MOXD1: variants seen among roughly 807,000 people sequenced by gnomAD.
MOXD1 encodes DBH-like monooxygenase protein 1.
Under a neutral mutation model 66.6 loss-of-function variants are expected in MOXD1, and 62 were observed. The ratio of observed to expected loss-of-function variants is 0.93; its 90% CI spans 0.76 to 1.15. The LOEUF (loss-of-function observed/expected upper bound fraction) is 1.15. Ranked by LOEUF, MOXD1 falls within the 50% of genes most tolerant of loss-of-function variation. MOXD1 has a pLI of 0.00. For missense variants in MOXD1, 847 were observed against 754.6 expected (o/e 1.12, Z -1.44); for synonymous variants, 303 against 281.9 (o/e 1.07, Z -0.75).
chr6:132,325,965 T>C (rs1684793443), intron 6 of MOXD1, among the ~76,000 whole-genome samples: 1 of 152,238 alleles, frequency 6.6e-6, no homozygotes, highest in Admixed American at 6.5e-5. Flanking sequence ...ATATCTATAC[T>C]GACCTTAGAA....
At chr6:132,299,292 G>A (rs542269203) in intron 10 of MOXD1, among the ~76,000 whole-genome samples, 2 of 151,686 alleles carry the variant, frequency 1.3e-5, no homozygotes, top group East Asian at 3.9e-4. Context: ...GGGAGAGAGG[G>A]AGACAAGAAT....
chr6:132,315,816 A>G (rs756778846), intron 9 of MOXD1, 39 bp from the exon 10 acceptor site: 1 of 1,595,864 alleles, frequency 6.3e-7, no homozygotes. Flanking sequence ...TATGTGTTCT[A>G]CCAACTTTGA....
At chr6:132,351,457 A>T (rs1338487408) in intron 4 of MOXD1, among the ~76,000 whole-genome samples, 1 of 152,114 alleles carries the variant, frequency 6.6e-6, no homozygotes. Context: ...TGACTTGCCT[A>T]TGCTTAACCA....
intron 10 of MOXD1, among the ~76,000 whole-genome samples, chr6:132,311,316 T>A (rs939114787): frequency 6.6e-6 from 1 of 152,106 alleles, no homozygotes; most frequent in African/African-American, 2.4e-5. Flanking sequence ...ATTAGGGTTA[T>A]CATTGAATTG....
intron 4 of MOXD1, among the ~76,000 whole-genome samples, chr6:132,330,251 A>G (rs903064082): frequency 6.6e-6 from 1 of 152,146 alleles, no homozygotes; most frequent in African/African-American, 2.4e-5. Context: ...GCAAAGCTTC[A>G]TCTGTATTTA....
At position 132,365,126 on chromosome 6, in the gene MOXD1, G is replaced by GTAT. The variant is rs1554235912; in HGVS notation, c.663+7481_663+7482insATA. On this transcript the variant is annotated intron_variant, in intron 4 of 11. Transcript: ENST00000367963. ...TGGGAATTTAAAGATAAAAAAGTGA[G>GTAT]TGTTGTATAGCCCAGAAATAAGAAA... Among the ~76,000 whole-genome samples, 301 of 152,016 alleles carry GTAT rather than the reference G, an allele frequency of 2.0e-3. 2 individuals are homozygous for GTAT. Among genetic ancestry groups the GTAT allele is most frequent in the African/African-American group, 7.1e-3 (292 of 41,392 alleles).
At chr6:132,395,355 G>A (rs760501697) in intron 1 of MOXD1, among the ~76,000 whole-genome samples, 1 of 151,950 alleles carries the variant, frequency 6.6e-6, no homozygotes, top group Non-Finnish European at 1.5e-5. Context: ...TAAAACACAT[G>A]AAATATAAAA....
At chr6:132,390,460 T>C (rs547620441) in intron 1 of MOXD1, 1 of 151,680 alleles carries the variant, frequency 6.6e-6, no homozygotes, top group Non-Finnish European at 1.5e-5. Flanking sequence ...GCACAGCACT[T>C]AGCACTTAGT....
chr6:132,301,309 G>A (rs1300204138), intron 10 of MOXD1, among the ~76,000 whole-genome samples: 1 of 151,674 alleles, frequency 6.6e-6, no homozygotes, highest in Non-Finnish European at 1.5e-5. Flanking sequence ...TAAACTCTGA[G>A]ACATGTTTTT....
intron 8 of MOXD1, among the ~76,000 whole-genome samples, chr6:132,321,077 C>T (rs911339308): frequency 1.3e-5 from 2 of 152,126 alleles, no homozygotes; most frequent in South Asian, 2.1e-4. Context: ...CCAGCCTGGC[C>T]AAGATGGTGA....
intron 4 of MOXD1, among the ~76,000 whole-genome samples, chr6:132,331,020 G>A (rs1247620216): frequency 6.6e-6 from 1 of 152,150 alleles, no homozygotes; most frequent in African/African-American, 2.4e-5. Flanking sequence ...AAGGTCGTGT[G>A]GCCTGAAGGC....
chr6:132,303,045 A>G (rs1344786478), intron 10 of MOXD1, among the ~76,000 whole-genome samples: 1 of 151,980 alleles, frequency 6.6e-6, no homozygotes, highest in Non-Finnish European at 1.5e-5. Context: ...AATGTGTTCA[A>G]AATGGATCCA....
rs562755436 is a variant in MOXD1 at position 132,357,613 on chromosome 6, GA to G, written c.663+14994del. Reference sequence around the variant, plus strand: ...ATTTTTCCCTCTTTTAAATGTCTCAGAAAAGTCAATGAAATCAAAGTGAGTG... The same window carrying G: ...ATTTTTCCCTCTTTTAAATGTCTCAGAAAGTCAATGAAATCAAAGTGAGTG... On this transcript the variant is annotated intron_variant, in intron 4 of 11. Transcript: ENST00000367963. Among the ~76,000 whole-genome samples the G allele has an allele frequency of 4.6e-5, 7 of 152,022 alleles. No homozygotes were observed. In the South Asian group the frequency reaches 1.5e-3, roughly 32 times the overall value.
intron 10 of MOXD1, among the ~76,000 whole-genome samples, chr6:132,314,761 ACT>A (rs1774905279): frequency 6.6e-6 from 1 of 151,196 alleles, no homozygotes; most frequent in Admixed American, 6.6e-5. Flanking sequence ...TACTTCCTTC[ACT>A]GTTTTGTCTT....
chr6:132,387,615 A>G (rs1776677725), intron 1 of MOXD1, among the ~76,000 whole-genome samples: 1 of 150,242 alleles, frequency 6.7e-6, no homozygotes, highest in Admixed American at 6.7e-5. Flanking sequence ...TTAGCCGGGT[A>G]TGGTGGTGCA....
At chr6:132,335,279 A>AT (rs60132905) in intron 4 of MOXD1, among the ~76,000 whole-genome samples, 4,290 of 145,960 alleles carry the variant, frequency 0.029, 163 homozygotes, top group African/African-American at 0.091. Flanking sequence ...AAAGAAACAT[A>AT]TTTTTTTTTT....
chr6:132,391,548 T>A (rs563922614), intron 1 of MOXD1: 2 of 152,328 alleles, frequency 1.3e-5, no homozygotes, highest in East Asian at 3.9e-4. Context: ...TTTTTTAAGT[T>A]ACAATAAAAA....
At chr6:132,384,262 CT>C (rs113952332) in intron 1 of MOXD1, among the ~76,000 whole-genome samples, 6 of 110,988 alleles carry the variant, frequency 5.4e-5, no homozygotes, top group South Asian at 7.0e-4. Flanking sequence ...TCCTTCCTTC[CT>C]TCCTTCCTTC....
intron 10 of MOXD1, among the ~76,000 whole-genome samples, chr6:132,301,052 C>T (rs1050345634): frequency 5.9e-5 from 9 of 151,960 alleles, no homozygotes; most frequent in Admixed American, 2.0e-4. Flanking sequence ...AACCAGGTAA[C>T]CTTAAAGTAG....
Sources: allele counts gnomAD v4.1 joint callset (sites outside exome capture counted in the v4.1 genomes callset), GRCh38; gene constraint gnomAD v4.1.1; transcripts MANE v1.5; gene names NCBI Gene and HGNC (gene_info 2026-07-23, HGNC 2026-07-21).